MON2: variants seen among roughly 807,000 people sequenced by gnomAD.
MON2 encodes MON2 regulator of endosome-to-Golgi trafficking.
In MON2, 84 loss-of-function variants were observed where a neutral mutation model predicts 208.6. The ratio of observed to expected loss-of-function variants is 0.40; its 90% CI spans 0.34 to 0.48. The LOEUF (loss-of-function observed/expected upper bound fraction) is 0.48, where lower values mean the gene tolerates loss of function less well. Among genes scored for constraint, MON2 ranks in the 20% least tolerant of loss-of-function variants. The probability of loss-of-function intolerance (pLI) is 0.59; values close to 1 mark genes in which losing one functional copy is unlikely to be tolerated. For synonymous variants in MON2, 660 were observed against 694.0 expected, an observed-to-expected ratio of 0.95 and a Z score of 0.77; for missense variants, 1,611 against 2,015.4, an observed-to-expected ratio of 0.80 and a Z score of 3.84.
chr12:62,518,911 A>C (rs1250045256), intron 8 of MON2, among the ~76,000 whole-genome samples: 1 of 152,190 alleles, frequency 6.6e-6, no homozygotes, highest in Non-Finnish European at 1.5e-5. Context: ...CAGTTTCTTC[A>C]AGGGCAAAAG....
rs2075598059 is a variant in MON2 at position 62,600,366 on chromosome 12, A to G, written c.*7617A>G. 1 of 152,248 alleles carries G rather than the reference A, an allele frequency of 6.6e-6. No individual in the cohort carries two copies. The highest frequency in any genetic ancestry group is 1.5e-5 in the Non-Finnish European group (1 of 68,046). The allele number at this position is 152,248 out of a possible 1,614,324, so 9.4% of individuals were successfully genotyped here. On this transcript the variant is annotated 3_prime_UTR_variant, in exon 35 of 35. Transcript: ENST00000393630. Reference sequence around the variant, plus strand: ...AATAACTGTGTCCTTGCTGTATGACAGAAGCTATTTGGAGCGCTCTCAAGT... The same window carrying G: ...AATAACTGTGTCCTTGCTGTATGACGGAAGCTATTTGGAGCGCTCTCAAGT...
At chr12:62,573,253 C>T (rs1241997450) in intron 30 of MON2, among the ~76,000 whole-genome samples, 3 of 152,116 alleles carry the variant, frequency 2.0e-5, no homozygotes, top group South Asian at 2.1e-4. Flanking sequence ...AATTTGAGTT[C>T]CTTCGTAGAC....
chr12:62,514,345 C>T (rs1283456005), intron 8 of MON2, among the ~76,000 whole-genome samples: 1 of 152,198 alleles, frequency 6.6e-6, no homozygotes, highest in Non-Finnish European at 1.5e-5. Context: ...TTCCAATTTA[C>T]TGTAGTAGTC....
chr12:62,570,722 C>CTTTTT (rs1192680038), intron 29 of MON2, among the ~76,000 whole-genome samples: 2,622 of 71,292 alleles, frequency 0.037, 29 homozygotes, highest in Non-Finnish European at 0.046. Context: ...TTTTCTTTTT[C>CTTTTT]TTTTTTTTTT....
intron 18 of MON2, 38 bp downstream of exon 18, chr12:62,538,363 A>G: frequency 1.3e-5 from 20 of 1,588,906 alleles, no homozygotes; most frequent in Non-Finnish European, 1.7e-5. Context: ...AAACATTGTT[A>G]TTTGTTATAT....
At chr12:62,488,838 T>C (rs2069944870) in intron 2 of MON2, among the ~76,000 whole-genome samples, 1 of 152,132 alleles carries the variant, frequency 6.6e-6, no homozygotes, top group Admixed American at 6.5e-5. Flanking sequence ...GCCAGTCTTT[T>C]TAAATGTTTT....
intron 1 of MON2, among the ~76,000 whole-genome samples, chr12:62,468,164 AAAAC>A (rs1481902595): frequency 5.3e-5 from 8 of 151,236 alleles, no homozygotes; most frequent in East Asian, 3.8e-4. Context: ...CTAAAAAAAA[AAAAC>A]AAACAAAAAA....
intron 24 of MON2, among the ~76,000 whole-genome samples, chr12:62,555,234 G>A (rs2073914303): frequency 1.3e-5 from 2 of 151,332 alleles, no homozygotes; most frequent in South Asian, 2.1e-4. Context: ...GGCATGCAGT[G>A]GCATGATCAC....
intron 10 of MON2, 25 bp from the exon 11 acceptor site, chr12:62,525,924 C>T (rs375098776): frequency 6.2e-7 from 1 of 1,603,578 alleles, no homozygotes; most frequent in East Asian, 2.2e-5. Flanking sequence ...AGTGTCTTTT[C>T]TTTTTTTCCC....
intron 2 of MON2, among the ~76,000 whole-genome samples, chr12:62,491,496 A>T (rs1381213857): frequency 6.6e-6 from 1 of 152,148 alleles, no homozygotes. Flanking sequence ...AAATGAGTTC[A>T]TTTTCCTTTA....
intron 1 of MON2, among the ~76,000 whole-genome samples, chr12:62,476,872 C>G (rs973609905): frequency 1.6e-4 from 25 of 152,080 alleles, no homozygotes; most frequent in African/African-American, 5.8e-4. Flanking sequence ...AAAAACAGAG[C>G]AGGGGTTAGG....
At chr12:62,472,854 G>A (rs977152740) in intron 1 of MON2, among the ~76,000 whole-genome samples, 5 of 152,132 alleles carry the variant, frequency 3.3e-5, no homozygotes, top group East Asian at 1.9e-4. Context: ...TCCCATAAGC[G>A]TAATATAATA....
chr12:62,484,175 T>C lies in MON2; in HGVS notation c.117T>C (p.Ala39=). The change falls in exon 2 of 35, where the codon GCT becomes GCC. Residue 39 remains alanine, a synonymous_variant. Coordinates refer to ENST00000393630, the MANE Select transcript of MON2 (RefSeq NM_015026.3). The part of the protein sequence containing the change: ...KKKFPPVKEA[A]ESGIIKVKTI... ...AATTATTTTTATTCTTGCAGGCTGC[T>C]GAATCAGGAATAATAAAAGTTAAAA... The C allele has an allele frequency of 6.3e-7, 1 of 1,594,488 alleles. No individual in the cohort carries two copies. The highest frequency in any genetic ancestry group is 1.7e-5 in the Admixed American group (1 of 57,714).
chr12:62,519,348 G>C (rs2071879215), intron 8 of MON2, among the ~76,000 whole-genome samples: 1 of 152,122 alleles, frequency 6.6e-6, no homozygotes, highest in East Asian at 1.9e-4. Context: ...CTGGGAGGGA[G>C]TGACACTTGG....
chr12:62,516,471 A>G (rs890435926), intron 8 of MON2, among the ~76,000 whole-genome samples: 11 of 152,162 alleles, frequency 7.2e-5, no homozygotes, highest in African/African-American at 2.7e-4. Flanking sequence ...TTGGGAGGCC[A>G]AGGCGGCCAG....
chr12:62,536,062 A>G (rs1263431291), intron 14 of MON2, among the ~76,000 whole-genome samples: 2 of 152,170 alleles, frequency 1.3e-5, no homozygotes, highest in African/African-American at 4.8e-5. Context: ...TATAATATAA[A>G]TATTCAAAAA....
intron 1 of MON2, among the ~76,000 whole-genome samples, chr12:62,474,693 G>A (rs1029790896): frequency 2.6e-5 from 4 of 152,184 alleles, no homozygotes; most frequent in African/African-American, 4.8e-5. Context: ...CAAAGTGCTA[G>A]GATTACAGGT....
chr12:62,507,501 T>C (rs2071167012), intron 7 of MON2, among the ~76,000 whole-genome samples: 1 of 151,842 alleles, frequency 6.6e-6, no homozygotes, highest in Non-Finnish European at 1.5e-5. Context: ...GTTGTTGTTG[T>C]TGAGACAGGG....
chr12:62,501,427 A>G (rs986754789), intron 6 of MON2, 146 bp from the exon 7 acceptor site: 21 of 805,460 alleles, frequency 2.6e-5, no homozygotes, highest in Non-Finnish European at 3.2e-5. Context: ...CAATTTGTCA[A>G]AATTGGAATT....
Sources: allele counts gnomAD v4.1 joint callset (sites outside exome capture counted in the v4.1 genomes callset), GRCh38; gene constraint gnomAD v4.1.1; transcripts MANE v1.5; gene names NCBI Gene and HGNC (gene_info 2026-07-23, HGNC 2026-07-21).